The following ATG10 variants were observed in gnomAD, a reference collection of about 807,000 sequenced individuals.
ATG10 encodes the protein autophagy related 10, also known as ubiquitin-like-conjugating enzyme ATG10.
Under a neutral mutation model 32.1 loss-of-function variants are expected in ATG10, and 30 were observed. That is an observed-to-expected ratio of 0.94 (90% CI 0.70 to 1.27). The LOEUF is 1.27. Among genes scored for constraint, ATG10 ranks in the 50% most tolerant of loss-of-function variants. ATG10 has a pLI of 0.00. For missense variants in ATG10, 233 were observed against 262.3 expected (o/e 0.89, Z 0.77); for synonymous variants, 87 against 91.5 (o/e 0.95, Z 0.28).
chr5:82,205,093 A>G (rs1745240392), intron 5 of ATG10, among the ~76,000 whole-genome samples: 1 of 152,188 alleles, frequency 6.6e-6, no homozygotes, highest in African/African-American at 2.4e-5. Context: ...CCCTGGAGGC[A>G]TGTTTTTTGT....
intron 3 of ATG10, among the ~76,000 whole-genome samples, chr5:82,127,542 C>T (rs1000137966): frequency 1.3e-5 from 2 of 152,164 alleles, no homozygotes; most frequent in Non-Finnish European, 2.9e-5. Context: ...TCATTATTTG[C>T]CCAGTGGTCA....
At chr5:82,177,529 C>A (rs1744079276) in intron 4 of ATG10, among the ~76,000 whole-genome samples, 2 of 152,090 alleles carry the variant, frequency 1.3e-5, no homozygotes, top group Non-Finnish European at 2.9e-5. Context: ...GTCTTGAGGG[C>A]CTTATAGCTC....
At chr5:82,138,849 C>G (rs1766891767) in intron 3 of ATG10, among the ~76,000 whole-genome samples, 1 of 17,820 alleles carries the variant, frequency 5.6e-5, no homozygotes, top group Non-Finnish European at 1.2e-4. Flanking sequence ...CTCCCTCCCC[C>G]TCCCCCTCCC....
intron 3 of ATG10, among the ~76,000 whole-genome samples, chr5:82,070,435 G>A (rs754253349): frequency 1.3e-5 from 2 of 152,040 alleles, no homozygotes; most frequent in Non-Finnish European, 2.9e-5. Flanking sequence ...TTCACCCTCA[G>A]CCTTCCTTTA....
At chr5:81,988,717 AACC>A (rs1438130335) in intron 2 of ATG10, among the ~76,000 whole-genome samples, 1 of 152,158 alleles carries the variant, frequency 6.6e-6, no homozygotes, top group African/African-American at 2.4e-5. Context: ...TACAGGCGTG[AACC>A]ACCACGCCTG....
chr5:81,983,238 C>T (rs1001603887), intron 1 of ATG10, among the ~76,000 whole-genome samples: 1 of 139,728 alleles, frequency 7.2e-6, no homozygotes, highest in Non-Finnish European at 1.6e-5. Flanking sequence ...GGGGCTGACC[C>T]CCCCCCCCAC....
At chr5:82,205,212 A>G (rs1745243943) in intron 5 of ATG10, among the ~76,000 whole-genome samples, 1 of 152,184 alleles carries the variant, frequency 6.6e-6, no homozygotes, top group Non-Finnish European at 1.5e-5. Context: ...CAGCAACAAC[A>G]ACGTCATTTG....
intron 5 of ATG10, among the ~76,000 whole-genome samples, chr5:82,221,490 A>C (rs1391350772): frequency 6.6e-6 from 1 of 152,200 alleles, no homozygotes; most frequent in Non-Finnish European, 1.5e-5. Flanking sequence ...GTGATAATTT[A>C]GAAGACACCC....
At chr5:82,107,421 T>A (rs1418898046) in intron 3 of ATG10, among the ~76,000 whole-genome samples, 1 of 152,098 alleles carries the variant, frequency 6.6e-6, no homozygotes, top group Non-Finnish European at 1.5e-5. Context: ...GCTGAATTGA[T>A]GTTTACTTCT....
chr5:82,248,227 G>T (rs1457115127), intron 5 of ATG10, among the ~76,000 whole-genome samples: 1 of 152,186 alleles, frequency 6.6e-6, no homozygotes, highest in South Asian at 2.1e-4. Flanking sequence ...TTAAATTACT[G>T]GTAGTTTGCT....
chr5:82,121,164 A>G (rs1766026138), intron 3 of ATG10, among the ~76,000 whole-genome samples: 1 of 152,150 alleles, frequency 6.6e-6, no homozygotes, highest in Admixed American at 6.6e-5. Context: ...GAATTGTAAC[A>G]TGGGGAATTA....
intron 3 of ATG10, among the ~76,000 whole-genome samples, chr5:82,103,918 A>C (rs1402792709): frequency 6.6e-6 from 1 of 151,902 alleles, no homozygotes; most frequent in East Asian, 1.9e-4. Flanking sequence ...ACTACAATTT[A>C]TTTTTCCTCT....
intron 2 of ATG10, among the ~76,000 whole-genome samples, chr5:82,048,792 A>G (rs922230259): frequency 4.6e-5 from 7 of 152,250 alleles, no homozygotes; most frequent in Non-Finnish European, 1.0e-4. Context: ...AAAGCACATG[A>G]AACAATGCTC....
intron 2 of ATG10, among the ~76,000 whole-genome samples, chr5:82,027,124 C>T (rs1581612645): frequency 6.6e-6 from 1 of 150,966 alleles, no homozygotes; most frequent in Non-Finnish European, 1.5e-5. Context: ...ATTGGCAGGG[C>T]ATGGTGGTTC....
Position 82,197,760 on chromosome 5 carries a change from A to ATCTG in ATG10, c.453+19176_453+19177insGTCT, listed in dbSNP as rs1554056726. On this transcript the variant is annotated intron_variant, in intron 5 of 7. Coordinates refer to ENST00000282185, the MANE Select transcript of ATG10 (RefSeq NM_031482.5). Reference sequence around the variant, plus strand: ...TATCTATCTATCTATCTATCTATCTATCTATCTATCTATCTCTATAGATAA... The same window carrying ATCTG: ...TATCTATCTATCTATCTATCTATCTATCTGTCTATCTATCTATCTCTATAGATAA... Among the ~76,000 whole-genome samples, 170 of 147,382 alleles carry ATCTG rather than the reference A, an allele frequency of 1.2e-3. 1 individual carries two copies. Among genetic ancestry groups the ATCTG allele is most frequent in the African/African-American group, 3.9e-3 (150 of 38,302 alleles).
intron 3 of ATG10, chr5:82,078,802 A>G (rs1764369139): frequency 6.6e-6 from 1 of 152,274 alleles, no homozygotes; most frequent in Admixed American, 6.5e-5. Context: ...CACTGGGGCT[A>G]GGTGTTTAGG....
rs185767117 is a variant in ATG10 at position 81,997,035 on chromosome 5, C to T, written c.108+9357C>T. 1.1e-3 allele frequency among the ~76,000 whole-genome samples: 170 copies of T among 152,284 alleles called. 2 individuals carry two copies. The East Asian group carries it at 0.014, about 13-fold the overall frequency. On this transcript the variant is annotated intron_variant, in intron 2 of 7. Transcript: ENST00000282185. ...TCTGACACCAGTGCTGGTGCACACA[C>T]ACACATGGATGCCAGTGACCCTACC...
intron 3 of ATG10, among the ~76,000 whole-genome samples, chr5:82,066,671 G>A (rs1236941841): frequency 6.6e-6 from 1 of 152,076 alleles, no homozygotes. Context: ...AATTGCCAAG[G>A]AACATATTCA....
chr5:82,196,674 C>T (rs73768642), intron 5 of ATG10, among the ~76,000 whole-genome samples: 1,608 of 152,212 alleles, frequency 0.011, 26 homozygotes, highest in African/African-American at 0.037. Flanking sequence ...TATCTTGGCA[C>T]CCTTGTCAAA....
Sources: gnomAD v4.1 joint callset for allele counts (sites outside exome capture counted in the v4.1 genomes callset) on GRCh38, gnomAD v4.1.1 for gene constraint, MANE v1.5 for transcripts, NCBI Gene and HGNC (gene_info 2026-07-23, HGNC 2026-07-21) for gene names.